PRAG1: variants seen among roughly 807,000 people sequenced by gnomAD.
The protein encoded by PRAG1 is inactive tyrosine-protein kinase PRAG1.
PRAG1 carries 110 observed loss-of-function variants against 95.6 expected under a neutral mutation model. The ratio of observed to expected loss-of-function variants is 1.15; its 90% CI spans 0.99 to 1.35. The LOEUF (loss-of-function observed/expected upper bound fraction) is 1.35, where lower values mean the gene tolerates loss of function less well. Among genes scored for constraint, PRAG1 ranks in the 40% most tolerant of loss-of-function variants. PRAG1 has a pLI of 0.00. For missense variants in PRAG1, 2,554 were observed against 1,864.7 expected, an observed-to-expected ratio of 1.37 and a Z score of -6.81; for synonymous variants, 1,052 against 819.4, an observed-to-expected ratio of 1.28 and a Z score of -4.85.
chr8:8,385,370 G>A (rs897819441), intron 1 of PRAG1, among the ~76,000 whole-genome samples: 9 of 152,070 alleles, frequency 5.9e-5, no homozygotes, highest in African/African-American at 1.9e-4. Flanking sequence ...CTCCAGTGCT[G>A]GAGGAAAGAA....
intron 3 of PRAG1, among the ~76,000 whole-genome samples, chr8:8,361,566 AAAG>A (rs1362980861): frequency 2.6e-5 from 4 of 152,212 alleles, no homozygotes; most frequent in Admixed American, 2.0e-4. Flanking sequence ...TTCAGAGGGT[AAAG>A]AAGAACAGGC....
intron 3 of PRAG1, among the ~76,000 whole-genome samples, chr8:8,351,951 C>G (rs989995769): frequency 2.0e-5 from 3 of 152,102 alleles, no homozygotes; most frequent in Non-Finnish European, 4.4e-5. Context: ...TGGGCTTGAT[C>G]GAATCCTATT....
chr8:8,375,887 A>G (rs764951425), intron 3 of PRAG1, among the ~76,000 whole-genome samples: 2 of 152,096 alleles, frequency 1.3e-5, no homozygotes, highest in Non-Finnish European at 2.9e-5. Context: ...TTAACGGAAA[A>G]TATTCAGGAC....
At chr8:8,369,228 T>C (rs1356931326) in intron 3 of PRAG1, among the ~76,000 whole-genome samples, 1 of 151,978 alleles carries the variant, frequency 6.6e-6, no homozygotes, top group Admixed American at 6.6e-5. Context: ...AATTCTCCAT[T>C]GAACATCTAC....
chr8:8,335,447 T>A (rs552243392), intron 4 of PRAG1, among the ~76,000 whole-genome samples: 1 of 152,306 alleles, frequency 6.6e-6, no homozygotes, highest in South Asian at 2.1e-4. Flanking sequence ...ATTTTTGGGA[T>A]GATACAGAAA....
chr8:8,384,306 TGTGCAAA>T (rs201242082), intron 1 of PRAG1, among the ~76,000 whole-genome samples: 1,896 of 152,152 alleles, frequency 0.012, 12 homozygotes, highest in Non-Finnish European at 0.017. Flanking sequence ...TGCACAGCCC[TGTGCAAA>T]GGGAGTGTGG....
At chr8:8,339,122 A>AGAG (rs1799085029) in intron 4 of PRAG1, among the ~76,000 whole-genome samples, 3 of 149,912 alleles carry the variant, frequency 2.0e-5, no homozygotes, top group South Asian at 4.2e-4. Flanking sequence ...GAGAGAGAGA[A>AGAG]AGAGATAGTG....
chr8:8,378,876 A>G (rs1800534282), intron 2 of PRAG1, among the ~76,000 whole-genome samples: 1 of 151,466 alleles, frequency 6.6e-6, no homozygotes. Flanking sequence ...AATGATAATT[A>G]ATAATAATAA....
At chr8:8,329,045 C>T (rs970784893) in intron 4 of PRAG1, among the ~76,000 whole-genome samples, 4 of 152,038 alleles carry the variant, frequency 2.6e-5, no homozygotes, top group South Asian at 2.1e-4. Flanking sequence ...GTGTGGTTTC[C>T]GTGGAATTTT....
At chr8:8,369,059 A>C (rs1800106794) in intron 3 of PRAG1, among the ~76,000 whole-genome samples, 1 of 152,198 alleles carries the variant, frequency 6.6e-6, no homozygotes, top group South Asian at 2.1e-4. Flanking sequence ...ATAATGATTA[A>C]CCTTAGCTTC....
chr8:8,318,348 A>G lies in PRAG1; in HGVS notation c.4027T>C (p.Ser1343Pro). The G allele has an allele frequency of 6.2e-7, 1 of 1,613,974 alleles. No homozygotes were observed. Among genetic ancestry groups the G allele is most frequent in the Non-Finnish European group, 8.5e-7 (1 of 1,179,908 alleles). ...AGCGTGCCGCACAGCGCCTCCTCCGAGGTGCCCGGCTGCTGCACCAGCTCG... is the reference window on the plus strand; with the variant it reads ...AGCGTGCCGCACAGCGCCTCCTCCGGGGTGCCCGGCTGCTGCACCAGCTCG... Reference protein sequence around the residue: ...RRELVQQPGTSEEALCGTLHN... With the variant: ...RRELVQQPGTPEEALCGTLHN... The change falls in exon 6 of 6, where the codon TCG (serine) becomes CCG (proline). Residue 1343 changes from serine (S) to proline (P), a missense_variant. Coordinates refer to ENST00000615670, the MANE Select transcript of PRAG1 (RefSeq NM_001080826.3). This position sits in a 1 kb window ranked among gnomAD's most constrained non-coding sequence, Gnocchi z 4.2.
chr8:8,340,499 C>T (rs1799128119), intron 3 of PRAG1, among the ~76,000 whole-genome samples: 1 of 152,212 alleles, frequency 6.6e-6, no homozygotes, highest in Non-Finnish European at 1.5e-5. Context: ...TGGTGGAAAC[C>T]CACATTTGTC....
At chr8:8,382,323 G>C (rs1437371907) in intron 1 of PRAG1, among the ~76,000 whole-genome samples, 1 of 152,210 alleles carries the variant, frequency 6.6e-6, no homozygotes, top group East Asian at 1.9e-4. Flanking sequence ...TGTGAGAGGG[G>C]AGGCAGCTTT....
At chr8:8,325,282 G>A (rs916168834) in intron 5 of PRAG1, among the ~76,000 whole-genome samples, 4 of 152,152 alleles carry the variant, frequency 2.6e-5, no homozygotes, top group African/African-American at 4.8e-5. Flanking sequence ...ATTGTTCCTG[G>A]TAACGTTGTT....
chr8:8,328,250 GC>G lies in PRAG1; in HGVS notation c.2531del (p.Ser844ThrfsTer4). On this transcript the variant is annotated frameshift_variant, in exon 5 of 6. Transcript: ENST00000615670. LOFTEE classifies it high-confidence loss of function. ...CCGAGTGGCTTAGGTTCAGCTTGGGGCTTGCTGTTCCGGGCTTGGGGGAGCC... is the reference window on the plus strand; with the variant it reads ...CCGAGTGGCTTAGGTTCAGCTTGGGGTTGCTGTTCCGGGCTTGGGGGAGCC... ...TQGSPKPGTA[S>X]PKLNLSHSET... 6.2e-7 allele frequency: 1 copy of G among 1,614,210 alleles called. No homozygotes were observed. Among genetic ancestry groups the G allele is most frequent in the Non-Finnish European group, 8.5e-7 (1 of 1,180,034 alleles).
chr8:8,330,622 G>A (rs1304526604), intron 4 of PRAG1, among the ~76,000 whole-genome samples: 1 of 152,126 alleles, frequency 6.6e-6, no homozygotes, highest in Admixed American at 6.6e-5. Flanking sequence ...ACATGCCCAC[G>A]AATTTCCCCC....
intron 4 of PRAG1, among the ~76,000 whole-genome samples, chr8:8,329,767 A>G (rs1585224158): frequency 6.6e-6 from 1 of 152,326 alleles, no homozygotes; most frequent in South Asian, 2.1e-4. Flanking sequence ...TGCAAGCCAC[A>G]TAGATCAAGA....
chr8:8,333,965 GC>G (rs1798903615), intron 4 of PRAG1, among the ~76,000 whole-genome samples: 1 of 152,206 alleles, frequency 6.6e-6, no homozygotes, highest in African/African-American at 2.4e-5. Flanking sequence ...CCAGGAAGTG[GC>G]TGTCATGCAG....
Position 8,318,868 on chromosome 8 carries a change from G to C in PRAG1, c.3507C>G (p.Ala1169=). 2 of 396,784 alleles carry C rather than the reference G, an allele frequency of 5.0e-6. No individual in the cohort carries two copies. The highest frequency in any genetic ancestry group is 5.6e-5 in the African/African-American group (1 of 17,844). The allele number at this position is 396,784 out of a possible 1,614,324, so 24.6% of individuals were successfully genotyped here. Reference sequence around the variant, plus strand: ...CGGCGGCGGCGGGGGCGGGAGCCGGGGCGGGGGCGGGGGCGGGCCCGGGGC... The same window carrying C: ...CGGCGGCGGCGGGGGCGGGAGCCGGCGCGGGGGCGGGGGCGGGCCCGGGGC... ...QAGPGPAPAP[A]PAPAPAAAAP... is the part of the protein sequence containing the mutation. Residue 1169 remains alanine (A), a synonymous_variant, in exon 6 of 6, where the codon GCC becomes GCG. Transcript: ENST00000615670. The surrounding 1 kb of genome is among the most constrained non-coding windows in gnomAD (Gnocchi z 4.2).
Sources: allele counts gnomAD v4.1 joint callset (sites outside exome capture counted in the v4.1 genomes callset), GRCh38; gene constraint gnomAD v4.1.1; non-coding constraint Gnocchi (gnomAD v3.1); transcripts MANE v1.5; gene names NCBI Gene and HGNC (gene_info 2026-07-23, HGNC 2026-07-21).